CNOT4: variants seen among roughly 807,000 people sequenced by gnomAD.
CNOT4 encodes the protein CCR4-associated factor 4.
A neutral mutation model predicts 73.8 loss-of-function variants in CNOT4; 8 were observed. The observed-to-expected ratio is 0.11, with a 90% CI of 0.06 to 0.20. The LOEUF (loss-of-function observed/expected upper bound fraction) is 0.20, where lower values mean the gene tolerates loss of function less well. CNOT4 is among the 10% of genes least tolerant of loss of function. The probability of loss-of-function intolerance (pLI) is 1.00; values close to 1 mark genes in which losing one functional copy is unlikely to be tolerated. For synonymous variants in CNOT4, 293 were observed against 321.1 expected (o/e 0.91, Z 0.94); for missense variants, 564 against 883.4 (o/e 0.64, Z 4.58).
At chr7:135,477,111 G>A (rs565537776) in intron 1 of CNOT4, among the ~76,000 whole-genome samples, 22 of 152,258 alleles carry the variant, frequency 1.4e-4, no homozygotes, top group African/African-American at 5.3e-4. Context: ...GGACGCTGAG[G>A]TGGGCAGATC....
At chr7:135,365,328 G>A (rs1794855198) in intron 10 of CNOT4, among the ~76,000 whole-genome samples, 1 of 152,026 alleles carries the variant, frequency 6.6e-6, no homozygotes. Flanking sequence ...GACAACAGAA[G>A]GGAAAATAAA....
At chr7:135,388,693 T>C in intron 10 of CNOT4, 1 of 1,452,826 alleles carries the variant, frequency 6.9e-7, no homozygotes, top group Admixed American at 2.1e-5. Flanking sequence ...TTGGCTCTTC[T>C]GGGTGTATAC....
intron 2 of CNOT4, among the ~76,000 whole-genome samples, chr7:135,426,496 A>G (rs1798506357): frequency 6.6e-6 from 1 of 151,796 alleles, no homozygotes; most frequent in Non-Finnish European, 1.5e-5. Flanking sequence ...CCAGCTACTC[A>G]GAAGGCTGGA....
In CNOT4 at chr7:135,363,198, A is replaced by G. The variant is rs781399626; in HGVS notation, c.1841-12T>C. ...AGACGCTGGAATACCTAAGGAGAGA[A>G]AAGAAAAAAGAGGGAAAATGGTGAG... On this transcript the variant is annotated splice_polypyrimidine_tract_variant and intron_variant, in intron 11 of 11. Transcript: ENST00000541284. This position sits in a 1 kb window ranked among gnomAD's most constrained non-coding sequence, Gnocchi z 4.3. The G allele has an allele frequency of 4.3e-6, 7 of 1,611,680 alleles. No homozygotes were observed. In the East Asian group the frequency reaches 1.1e-4, roughly 26 times the overall value.
chr7:135,395,531 G>T, intron 9 of CNOT4, 103 bp downstream of exon 9: 1 of 1,297,024 alleles, frequency 7.7e-7, no homozygotes, highest in Non-Finnish European at 1.1e-6. Context: ...AAAGAGAACA[G>T]AGAGGCAAAA....
intron 1 of CNOT4, chr7:135,509,301 A>T (rs997668494): frequency 1.3e-5 from 2 of 152,360 alleles, no homozygotes; most frequent in African/African-American, 4.8e-5. Context: ...AATCGGAAGC[A>T]GCTCTAGTGT....
intron 1 of CNOT4, among the ~76,000 whole-genome samples, chr7:135,479,674 G>A (rs1386561520): frequency 6.6e-6 from 1 of 152,100 alleles, no homozygotes; most frequent in East Asian, 1.9e-4. Context: ...GAGGCAGGAG[G>A]ATGGCTTGAG....
intron 1 of CNOT4, among the ~76,000 whole-genome samples, chr7:135,449,238 C>T (rs772459836): frequency 1.3e-5 from 2 of 152,052 alleles, no homozygotes; most frequent in Admixed American, 6.6e-5. Context: ...GAAAGGGAGA[C>T]GACTTCAAAT....
intron 1 of CNOT4, among the ~76,000 whole-genome samples, chr7:135,506,017 G>A (rs191679604): frequency 1.4e-4 from 22 of 152,210 alleles, no homozygotes; most frequent in Admixed American, 9.2e-4. Context: ...AAATAACTGG[G>A]TAAATTATGC....
rs1425858957 is a variant in CNOT4, at chr7:135,414,352, T to A, written c.540A>T (p.Val180=). 16 of 1,417,144 alleles carry A rather than the reference T, an allele frequency of 1.1e-5. No homozygotes were observed. Among genetic ancestry groups the A allele is most frequent in the Non-Finnish European group, 1.5e-5 (15 of 1,004,950 alleles). 87.8% of individuals were successfully genotyped at this position (1,417,144 alleles called of 1,614,324 possible). ...LRAIQCVNNV[V]VDGRTLKASL... ...TTACCTTAAGTGTTCTGCCATCTACTACCACATTGTTGACACACTGTATGG... is the reference window on the plus strand; with the variant it reads ...TTACCTTAAGTGTTCTGCCATCTACAACCACATTGTTGACACACTGTATGG... Residue 180 remains valine (V), a synonymous_variant, in exon 5 of 12, where the codon GTA becomes GTT. Coordinates refer to ENST00000541284, the MANE Select transcript of CNOT4 (RefSeq NM_001190850.2).
rs538296938 is a variant in CNOT4 at position 135,383,508 on chromosome 7, G to A, written c.1627+10410C>T. ...TTCCTTTGATCATTTTCAACTCACC[G>A]GAAACCTGACCCAGGATTCCCCAGG... On this transcript the variant is annotated intron_variant, in intron 10 of 11. Transcript: ENST00000541284. Among the ~76,000 whole-genome samples, 8 of 152,238 alleles carry A rather than the reference G, an allele frequency of 5.3e-5. No individual in the cohort carries two copies. The East Asian group carries it at 5.8e-4, about 11-fold the overall frequency.
intron 1 of CNOT4, among the ~76,000 whole-genome samples, chr7:135,501,233 C>T (rs1269955657): frequency 6.6e-6 from 1 of 152,140 alleles, no homozygotes; most frequent in Non-Finnish European, 1.5e-5. Flanking sequence ...AATCCTCCCA[C>T]CTCAGCCTCC....
chr7:135,486,674 C>A (rs1158497703), intron 1 of CNOT4, among the ~76,000 whole-genome samples: 1 of 152,112 alleles, frequency 6.6e-6, no homozygotes, highest in Non-Finnish European at 1.5e-5. Flanking sequence ...GGGTAAATAG[C>A]TAAACTGTGG....
At chr7:135,458,927 G>A (rs1800709115) in intron 1 of CNOT4, among the ~76,000 whole-genome samples, 1 of 151,996 alleles carries the variant, frequency 6.6e-6, no homozygotes, top group Non-Finnish European at 1.5e-5. Context: ...CCATCAATCA[G>A]GGATGTTATT....
intron 10 of CNOT4, among the ~76,000 whole-genome samples, chr7:135,374,341 G>C (rs1373476668): frequency 6.6e-6 from 1 of 152,182 alleles, no homozygotes; most frequent in Admixed American, 6.5e-5. Context: ...GATGTCAGAA[G>C]TATAATATAT....
intron 1 of CNOT4, among the ~76,000 whole-genome samples, chr7:135,492,005 T>C (rs187695259): frequency 6.6e-6 from 1 of 152,296 alleles, no homozygotes; most frequent in African/African-American, 2.4e-5. Context: ...AGTACAGATG[T>C]AGTCAATACA....
chr7:135,398,321 AC>A, intron 7 of CNOT4, 95 bp from the exon 8 acceptor site: 2 of 687,392 alleles, frequency 2.9e-6, no homozygotes, highest in Non-Finnish European at 5.2e-6. Flanking sequence ...CAGACACTTT[AC>A]CATCTTAACA....
chr7:135,470,694 T>C (rs1033000316), intron 1 of CNOT4, among the ~76,000 whole-genome samples: 1 of 152,114 alleles, frequency 6.6e-6, no homozygotes, highest in Non-Finnish European at 1.5e-5. Context: ...AGGTGAAACA[T>C]GAACAAACCT....
chr7:135,375,835 G>A (rs1402873444), intron 10 of CNOT4, among the ~76,000 whole-genome samples: 1 of 152,158 alleles, frequency 6.6e-6, no homozygotes, highest in African/African-American at 2.4e-5. Flanking sequence ...TGAGGCAGGA[G>A]AATTGCTTGA....
Sources: gnomAD v4.1 joint callset for allele counts (sites outside exome capture counted in the v4.1 genomes callset) on GRCh38, gnomAD v4.1.1 for gene constraint, Gnocchi (gnomAD v3.1) non-coding constraint, MANE v1.5 for transcripts, NCBI Gene and HGNC (gene_info 2026-07-23, HGNC 2026-07-21) for gene names.